Variants in CNTLN observed in about 807,000 individuals in gnomAD.
CNTLN encodes the protein centlein, centrosomal protein.
Under a neutral mutation model 180.0 loss-of-function variants are expected in CNTLN, and 212 were observed. The observed-to-expected ratio is 1.18, with a 90% CI of 1.05 to 1.32. CNTLN has a LOEUF of 1.32. CNTLN is among the 40% of genes most tolerant of loss of function. CNTLN has a pLI of 0.00. For missense variants in CNTLN, 2,095 were observed against 1,610.9 expected, an observed-to-expected ratio of 1.30 and a Z score of -5.14; for synonymous variants, 722 against 563.1, an observed-to-expected ratio of 1.28 and a Z score of -3.99.
At chr9:17,391,974 A>G (rs1272302394) in intron 14 of CNTLN, among the ~76,000 whole-genome samples, 1 of 152,324 alleles carries the variant, frequency 6.6e-6, no homozygotes, top group East Asian at 1.9e-4. Context: ...GAAGTGAGAT[A>G]TAGACCTGAT....
intron 8 of CNTLN, among the ~76,000 whole-genome samples, chr9:17,316,116 C>G (rs1322695375): frequency 6.6e-6 from 1 of 151,418 alleles, no homozygotes; most frequent in East Asian, 1.9e-4. Flanking sequence ...TTTTGGGGTT[C>G]TTTTGTTAAG....
intron 21 of CNTLN, 86 bp downstream of exon 21, chr9:17,464,709 T>C (rs1831644596): frequency 1.2e-6 from 1 of 854,688 alleles, no homozygotes; most frequent in Admixed American, 3.1e-5. Context: ...TCCTAATAAA[T>C]GTATAGAAAA....
At chr9:17,219,797 G>T (rs1281454370) in intron 2 of CNTLN, among the ~76,000 whole-genome samples, 1 of 152,038 alleles carries the variant, frequency 6.6e-6, no homozygotes, top group Non-Finnish European at 1.5e-5. Flanking sequence ...GTTCCAGGAA[G>T]TACAAAATTA....
intron 8 of CNTLN, among the ~76,000 whole-genome samples, chr9:17,317,457 A>G (rs777897622): frequency 1.5e-4 from 23 of 152,184 alleles, no homozygotes; most frequent in African/African-American, 5.1e-4. Flanking sequence ...TTGATATTCT[A>G]CTATGTGTTA....
chr9:17,360,541 A>T (rs1476852351), intron 12 of CNTLN, among the ~76,000 whole-genome samples: 1 of 152,116 alleles, frequency 6.6e-6, no homozygotes, highest in African/African-American at 2.4e-5. Flanking sequence ...CTTGATTTAT[A>T]TATTGTGGTG....
intron 2 of CNTLN, among the ~76,000 whole-genome samples, chr9:17,215,221 A>G (rs1434367453): frequency 1.3e-5 from 2 of 152,074 alleles, no homozygotes; most frequent in Admixed American, 6.6e-5. Flanking sequence ...TGACGTACAG[A>G]TGGGGTTTTG....
chr9:17,309,882 T>A (rs1334112767), intron 8 of CNTLN, among the ~76,000 whole-genome samples: 1 of 152,124 alleles, frequency 6.6e-6, no homozygotes, highest in Non-Finnish European at 1.5e-5. Flanking sequence ...TAAGTGTTTT[T>A]AAGGCTCTCA....
intron 2 of CNTLN, among the ~76,000 whole-genome samples, chr9:17,213,466 G>C (rs930141603): frequency 2.0e-5 from 3 of 152,068 alleles, no homozygotes; most frequent in African/African-American, 7.2e-5. Flanking sequence ...GAGGAGTTCT[G>C]TACTTCCAAC....
rs1348150256 is a variant in CNTLN, at chr9:17,409,468, C to G, written c.2791C>G (p.Pro931Ala). Residue 931 changes from proline (P) to alanine (A), a missense_variant, in exon 16 of 26, where the codon CCA becomes GCA. By Grantham distance (27) the Pro-to-Ala change is conservative. Coordinates refer to ENST00000380647, the MANE Select transcript of CNTLN (RefSeq NM_017738.4). The stretch of plus-strand genomic sequence containing the variant: ...ATATTTAAATATAGATGGCAAGACC[C>G]CAAAGGTAAATGACATGATTTTGCT... The part of the protein sequence containing the change: ...QTYLNIDGKT[P>A]KDYFHDKNAK... 1.3e-6 allele frequency: 2 copies of G among 1,589,446 alleles called. No individual in the cohort carries two copies. Among genetic ancestry groups the G allele is most frequent in the East Asian group, 2.3e-5 (1 of 44,372 alleles).
At chr9:17,305,905 T>A (rs1303925822) in intron 7 of CNTLN, among the ~76,000 whole-genome samples, 1 of 152,122 alleles carries the variant, frequency 6.6e-6, no homozygotes, top group African/African-American at 2.4e-5. Flanking sequence ...AAGATAAGAA[T>A]TTTTCCCAAA....
intron 15 of CNTLN, among the ~76,000 whole-genome samples, chr9:17,404,438 G>A (rs1827220401): frequency 6.6e-6 from 1 of 151,590 alleles, no homozygotes; most frequent in Non-Finnish European, 1.5e-5. Context: ...TTCTTTGAGG[G>A]AACACAATTA....
chr9:17,342,252 A>T (rs528952735), intron 11 of CNTLN, 73 bp from the exon 12 acceptor site: 1 of 1,436,222 alleles, frequency 7.0e-7, no homozygotes, highest in Admixed American at 2.1e-5. Context: ...TTTAAATTTT[A>T]AGGAATGTAT....
chr9:17,450,813 A>T (rs1235772852), intron 18 of CNTLN, among the ~76,000 whole-genome samples: 1 of 151,850 alleles, frequency 6.6e-6, no homozygotes, highest in African/African-American at 2.4e-5. Context: ...AAATAATTAC[A>T]TCTCTGCCTA....
chr9:17,300,442 T>A (rs1818265563), intron 7 of CNTLN: 1 of 152,212 alleles, frequency 6.6e-6, no homozygotes, highest in South Asian at 2.1e-4. Context: ...CATCTCATAC[T>A]GAACGTGTTC....
chr9:17,489,956 A>G (rs1833068097), intron 25 of CNTLN, among the ~76,000 whole-genome samples: 1 of 152,122 alleles, frequency 6.6e-6, no homozygotes, highest in Non-Finnish European at 1.5e-5. Flanking sequence ...ATCTGTATAA[A>G]TCTCTCTTTT....
chr9:17,523,135 A>G, the CNTLN span, among the ~76,000 whole-genome samples: 1 of 152,004 alleles, frequency 6.6e-6, no homozygotes, highest in Non-Finnish European at 1.5e-5. Context: ...CAATGTTGAC[A>G]CTCCACTATC....
chr9:17,189,713 C>T (rs1375576599), intron 2 of CNTLN, among the ~76,000 whole-genome samples: 7 of 151,742 alleles, frequency 4.6e-5, no homozygotes, highest in Non-Finnish European at 1.0e-4. Flanking sequence ...TCTCGAACTC[C>T]TAACCGCAAG....
intron 8 of CNTLN, among the ~76,000 whole-genome samples, chr9:17,328,784 A>C (rs927343950): frequency 6.6e-6 from 1 of 152,124 alleles, no homozygotes; most frequent in Non-Finnish European, 1.5e-5. Flanking sequence ...CCTGGCTTCT[A>C]TTCACTCTTT....
intron 2 of CNTLN, among the ~76,000 whole-genome samples, chr9:17,223,977 G>A (rs987734073): frequency 1.3e-5 from 2 of 151,870 alleles, no homozygotes; most frequent in African/African-American, 4.8e-5. Flanking sequence ...GACTTGACTT[G>A]GAAAACTCTT....
Sources: gnomAD v4.1 joint callset for allele counts (sites outside exome capture counted in the v4.1 genomes callset) on GRCh38, gnomAD v4.1.1 for gene constraint, MANE v1.5 for transcripts, NCBI Gene and HGNC (gene_info 2026-07-23, HGNC 2026-07-21) for gene names.